The following COG6 variants were observed in gnomAD, a reference collection of about 807,000 sequenced individuals.
COG6 encodes conserved oligomeric Golgi complex subunit 6.
In COG6, 74 loss-of-function variants were observed where a neutral mutation model predicts 88.8. The observed-to-expected ratio is 0.83, with a 90% CI of 0.69 to 1.01. The LOEUF (loss-of-function observed/expected upper bound fraction) is 1.01. Among genes scored for constraint, COG6 ranks in the 50% least tolerant of loss-of-function variants. The pLI, the probability that COG6 is intolerant of heterozygous loss-of-function variation, is 0.00. For synonymous variants in COG6, 286 were observed against 278.7 expected (o/e 1.03, Z -0.26); for missense variants, 800 against 797.9 (o/e 1.00, Z -0.03).
intron 4 of COG6, among the ~76,000 whole-genome samples, chr13:39,669,984 T>C (rs1415789683): frequency 1.3e-5 from 2 of 152,206 alleles, no homozygotes; most frequent in East Asian, 1.9e-4. Flanking sequence ...CAAGAAACTT[T>C]GTTAAACAAG....
chr13:39,684,638 AAG>A (rs935461968), intron 8 of COG6, among the ~76,000 whole-genome samples: 2 of 152,174 alleles, frequency 1.3e-5, no homozygotes, highest in Non-Finnish European at 2.9e-5. Context: ...AATGCTAAAA[AAG>A]AGAAAATTGG....
At chr13:39,789,203 A>G (rs1453426478) in exon 19 of COG6, 1 of 152,192 alleles carries the variant, frequency 6.6e-6, no homozygotes, top group African/African-American at 2.4e-5. Context: ...TTTATGCTCA[A>G]TGATATGTTT....
intron 13 of COG6, among the ~76,000 whole-genome samples, chr13:39,717,872 A>G (rs1878616021): frequency 6.6e-6 from 1 of 152,090 alleles, no homozygotes; most frequent in Non-Finnish European, 1.5e-5. Flanking sequence ...AAAAACAAAA[A>G]CAAAAACAAA....
At chr13:39,682,880 T>G (rs1566177744) in intron 8 of COG6, among the ~76,000 whole-genome samples, 1 of 152,168 alleles carries the variant, frequency 6.6e-6, no homozygotes, top group South Asian at 2.1e-4. Context: ...TGGAGTAGTA[T>G]TAGCATAAGC....
intron 4 of COG6, among the ~76,000 whole-genome samples, chr13:39,668,656 C>T (rs561598847): frequency 1.9e-4 from 29 of 151,894 alleles, no homozygotes; most frequent in Non-Finnish European, 3.7e-4. Flanking sequence ...GGCGTGGTGG[C>T]GGGCACCTGT....
At position 39,751,524 on chromosome 13, in the gene COG6, A is replaced by G. The variant is rs781227592; in HGVS notation, c.*431A>G. The G allele has an allele frequency of 7.8e-7, 1 of 1,285,356 alleles. No individual in the cohort carries two copies. The highest frequency in any genetic ancestry group is 1.2e-5 in the South Asian group (1 of 80,896). 79.6% of individuals were successfully genotyped at this position (1,285,356 alleles called of 1,614,324 possible). On this transcript the variant is annotated 3_prime_UTR_variant, in exon 19 of 19. Coordinates refer to ENST00000455146, the MANE Select transcript of COG6 (RefSeq NM_020751.3). The stretch of plus-strand genomic sequence containing the variant: ...CTAAAGATTCATTTGCTTTCTTTTA[A>G]TATGAGTAGGCATACTTAGTAGCTT...
chr13:39,710,968 G>A (rs1244538209), intron 13 of COG6, among the ~76,000 whole-genome samples: 2 of 151,000 alleles, frequency 1.3e-5, no homozygotes, highest in African/African-American at 4.9e-5. Context: ...TTTTACTTTT[G>A]TTTAAGATTA....
intron 18 of COG6, among the ~76,000 whole-genome samples, chr13:39,778,712 T>C (rs973218675): frequency 2.6e-4 from 40 of 152,360 alleles, no homozygotes; most frequent in Admixed American, 1.1e-3. Context: ...CAGTTTTGCC[T>C]CAGGGGCTAT....
At chr13:39,774,715 C>T (rs1881415241) in intron 18 of COG6, among the ~76,000 whole-genome samples, 1 of 152,110 alleles carries the variant, frequency 6.6e-6, no homozygotes, top group Admixed American at 6.5e-5. Flanking sequence ...GCTAGGATTA[C>T]AGGTGCATGC....
At position 39,689,838 on chromosome 13, in the gene COG6, T is replaced by C; in HGVS notation, c.1074+14T>C. ...AGGCCTCTAAAGGTAAAATATTTTG[T>C]TTTTACATATGCTATATGGTACCTG... is the stretch of plus-strand genomic sequence containing the variant. On this transcript the variant is annotated intron_variant, in intron 11 of 18. Coordinates refer to ENST00000455146, the MANE Select transcript of COG6 (RefSeq NM_020751.3). The C allele has an allele frequency of 6.4e-7, 1 of 1,560,550 alleles. No homozygotes were observed. The highest frequency in any genetic ancestry group is 1.7e-5 in the Admixed American group (1 of 59,726).
Position 39,660,882 on chromosome 13 carries a change from GTAT to G in COG6, c.369+5_369+7del, listed in dbSNP as rs1276949033. On this transcript the variant is annotated splice_donor_variant and splice_donor_region_variant and intron_variant, in intron 3 of 18. Coordinates refer to ENST00000455146, the MANE Select transcript of COG6 (RefSeq NM_020751.3). LOFTEE classifies it high-confidence loss of function. ...TCAAGATATGACAAGTCGCCTACAGGTATTATATAATGGCTAGATTTTGGCATA... is the reference window on the plus strand; with the variant it reads ...TCAAGATATGACAAGTCGCCTACAGGTATATAATGGCTAGATTTTGGCATA... 1 of 1,570,102 alleles carries G rather than the reference GTAT, an allele frequency of 6.4e-7. No homozygotes were observed. Among genetic ancestry groups the G allele is most frequent in the Admixed American group, 1.7e-5 (1 of 59,960 alleles).
intron 18 of COG6, among the ~76,000 whole-genome samples, chr13:39,742,055 A>T (rs986928009): frequency 6.6e-6 from 1 of 152,202 alleles, no homozygotes; most frequent in African/African-American, 2.4e-5. Context: ...GCAAATGCTG[A>T]GAGATTTTGT....
intron 17 of COG6, among the ~76,000 whole-genome samples, chr13:39,725,962 A>T (rs548870592): frequency 3.3e-5 from 5 of 151,962 alleles, no homozygotes; most frequent in Non-Finnish European, 5.9e-5. Flanking sequence ...CTCTTGACAC[A>T]TATCCAGTCT....
intron 8 of COG6, among the ~76,000 whole-genome samples, chr13:39,683,499 TAGG>T (rs1199688003): frequency 6.6e-6 from 1 of 152,276 alleles, no homozygotes; most frequent in South Asian, 2.1e-4. Flanking sequence ...GCTATTGAAT[TAGG>T]AGCAACAGCT....
chr13:39,715,305 A>G (rs1314335368), intron 13 of COG6, among the ~76,000 whole-genome samples: 2 of 151,864 alleles, frequency 1.3e-5, no homozygotes, highest in Non-Finnish European at 2.9e-5. Flanking sequence ...ACACACACAT[A>G]CTATATATTA....
intron 13 of COG6, among the ~76,000 whole-genome samples, chr13:39,714,539 T>TC (rs746844809): frequency 4.0e-5 from 6 of 151,762 alleles, no homozygotes; most frequent in Non-Finnish European, 7.4e-5. Flanking sequence ...ACATCACTAA[T>TC]CAAGGAAATG....
chr13:39,743,201 A>T (rs994452915), intron 18 of COG6, among the ~76,000 whole-genome samples: 11 of 152,216 alleles, frequency 7.2e-5, no homozygotes, highest in African/African-American at 2.7e-4. Context: ...GAACTAGAGA[A>T]GCAAGAGCAA....
chr13:39,677,159 A>G (rs959945068), intron 4 of COG6, among the ~76,000 whole-genome samples: 3 of 152,178 alleles, frequency 2.0e-5, no homozygotes, highest in Admixed American at 1.3e-4. Flanking sequence ...AAGGTGAACT[A>G]TTTAAGTACT....
In COG6 at chr13:39,660,731, A is replaced by C. The variant is rs1289948774; in HGVS notation, c.298-79A>C. 3.1e-6 allele frequency: 3 copies of C among 963,838 alleles called. No individual in the cohort carries two copies. In the African/African-American group the frequency reaches 4.9e-5, roughly 16 times the overall value. 59.7% of individuals were successfully genotyped at this position (963,838 alleles called of 1,614,324 possible). On this transcript the variant is annotated intron_variant, in intron 2 of 18. Coordinates refer to ENST00000455146, the MANE Select transcript of COG6 (RefSeq NM_020751.3). ...AAAAAAATAAAAAATTATGTAACTA[A>C]AATAAGGATTTAGCTAACAGAAGAG... is the stretch of plus-strand genomic sequence containing the variant.
Sources: gnomAD v4.1 joint callset for allele counts (sites outside exome capture counted in the v4.1 genomes callset) on GRCh38, gnomAD v4.1.1 for gene constraint, MANE v1.5 for transcripts, NCBI Gene and HGNC (gene_info 2026-07-23, HGNC 2026-07-21) for gene names.